The following GTF2IRD1 variants were observed in gnomAD, a reference collection of about 807,000 sequenced individuals.
GTF2IRD1 encodes the protein GTF2I repeat domain containing 1.
Under a neutral mutation model 113.2 loss-of-function variants are expected in GTF2IRD1, and 26 were observed. That is an observed-to-expected ratio of 0.23 (90% confidence interval 0.17 to 0.32). The LOEUF is 0.32. GTF2IRD1 is among the 10% of genes least tolerant of loss of function. The pLI is 1.00. For synonymous variants in GTF2IRD1, 484 were observed against 529.1 expected (o/e 0.91, Z 1.17); for missense variants, 864 against 1,280.8 (o/e 0.67, Z 4.97).
chr7:74,582,885 C>A (rs1554366538), intron 22 of GTF2IRD1, among the ~76,000 whole-genome samples: 1 of 151,534 alleles, frequency 6.6e-6, no homozygotes, highest in East Asian at 1.9e-4. Context: ...CCCATCTCTA[C>A]AAAAGATGGA....
At chr7:74,531,641 AG>A (rs1797968747) in intron 9 of GTF2IRD1, among the ~76,000 whole-genome samples, 1 of 151,860 alleles carries the variant, frequency 6.6e-6, no homozygotes, top group South Asian at 2.1e-4. Flanking sequence ...CCAGCACTTT[AG>A]GAGGCCAAGG....
At chr7:74,479,077 T>A (rs1370300257) in intron 1 of GTF2IRD1, among the ~76,000 whole-genome samples, 3 of 152,154 alleles carry the variant, frequency 2.0e-5, no homozygotes, top group African/African-American at 7.2e-5. Context: ...CCCCTGCTGC[T>A]GTCTGCTTCA....
chr7:74,536,272 C>T lies in GTF2IRD1; in HGVS notation c.1406C>T (p.Ala469Val), dbSNP rs587691164. 9.8e-5 allele frequency: 155 copies of T among 1,587,760 alleles called. 2 individuals are homozygous for T. In the African/African-American group the frequency reaches 1.3e-3, roughly 13 times the overall value. Residue 469 changes from alanine (A) to valine (V), a missense_variant, in exon 11 of 27, where the codon GCT becomes GTT. By Grantham distance (64) the Ala-to-Val change is moderately conservative. Coordinates refer to ENST00000424337, the MANE Select transcript of GTF2IRD1 (RefSeq NM_005685.4). ...RATVLDLAGN[A>V]RSDKGSMSED... ...ACCGTCCTTGACCTTGCTGGGAATGCTCGGTGAGGCCCCGCCCCTGGCCCC... is the reference window on the plus strand; with the variant it reads ...ACCGTCCTTGACCTTGCTGGGAATGTTCGGTGAGGCCCCGCCCCTGGCCCC...
chr7:74,589,206 A>C (rs782385359), intron 22 of GTF2IRD1, among the ~76,000 whole-genome samples: 1 of 152,112 alleles, frequency 6.6e-6, no homozygotes, highest in Non-Finnish European at 1.5e-5. Context: ...AAAAACTTTA[A>C]AAAATTAGGC....
Position 74,512,537 on chromosome 7 carries a change from G to T in GTF2IRD1, c.124-293G>T, listed in dbSNP as rs1398580412. 2.0e-5 allele frequency among the ~76,000 whole-genome samples: 3 copies of T among 152,156 alleles called. No individual in the cohort carries two copies. The highest frequency in any genetic ancestry group is 7.2e-5 in the African/African-American group (3 of 41,438). ...AGAGGGGCCAAGAAAACCCAGCACG[G>T]CATTGTCCCTGGGGCTGGGGCTAAG... On this transcript the variant is annotated intron_variant, in intron 2 of 26. Coordinates refer to ENST00000424337, the MANE Select transcript of GTF2IRD1 (RefSeq NM_005685.4). This position sits in a 1 kb window ranked among gnomAD's most constrained non-coding sequence, Gnocchi z 4.4.
intron 22 of GTF2IRD1, among the ~76,000 whole-genome samples, chr7:74,562,945 G>A (rs28719153): frequency 0.045 from 6,882 of 152,194 alleles, 254 homozygotes; most frequent in East Asian, 0.075. Context: ...TCAGAAGTGC[G>A]AGACATGTAT....
intron 1 of GTF2IRD1, among the ~76,000 whole-genome samples, chr7:74,488,106 C>A (rs543441226): frequency 2.6e-4 from 39 of 152,222 alleles, no homozygotes; most frequent in African/African-American, 8.7e-4. Flanking sequence ...CACAGTGAGA[C>A]CCTATCTCTA....
chr7:74,564,571 C>G (rs1316519750), intron 22 of GTF2IRD1, among the ~76,000 whole-genome samples: 1 of 152,030 alleles, frequency 6.6e-6, no homozygotes, highest in African/African-American at 2.4e-5. Flanking sequence ...GGTAACATAG[C>G]AAGATCCCAT....
At chr7:74,476,560 C>T (rs1316458365) in intron 1 of GTF2IRD1, among the ~76,000 whole-genome samples, 5 of 151,978 alleles carry the variant, frequency 3.3e-5, no homozygotes, top group African/African-American at 1.2e-4. Flanking sequence ...GATGGGGTTT[C>T]ACTGTGTTGG....
chr7:74,472,239 G>A (rs1366151455), intron 1 of GTF2IRD1, among the ~76,000 whole-genome samples: 2 of 127,496 alleles, frequency 1.6e-5, no homozygotes, highest in Admixed American at 1.8e-4. Context: ...GCCGGGGCCA[G>A]GTGCTGCAGT....
At chr7:74,531,380 A>G (rs923607928) in intron 9 of GTF2IRD1, among the ~76,000 whole-genome samples, 1 of 152,176 alleles carries the variant, frequency 6.6e-6, no homozygotes, top group African/African-American at 2.4e-5. Flanking sequence ...AAATAAATAA[A>G]TTAAACATAG....
At chr7:74,507,543 G>T (rs1554341415) in intron 1 of GTF2IRD1, 2 of 152,664 alleles carry the variant, frequency 1.3e-5, no homozygotes, top group Non-Finnish European at 2.9e-5. Flanking sequence ...ACCAGGAAGG[G>T]TGCTTCAGGC....
chr7:74,503,722 C>A (rs1380014168), intron 1 of GTF2IRD1, among the ~76,000 whole-genome samples: 3 of 152,204 alleles, frequency 2.0e-5, no homozygotes, highest in Non-Finnish European at 2.9e-5. Context: ...GTACTCCAAT[C>A]TGGGGGACAG....
At chr7:74,505,727 G>T (rs782323364) in intron 1 of GTF2IRD1, among the ~76,000 whole-genome samples, 16 of 152,156 alleles carry the variant, frequency 1.1e-4, no homozygotes, top group Non-Finnish European at 1.5e-4. Context: ...GGATGGCTTG[G>T]GGGAGGGGGA....
chr7:74,544,859 C>G, intron 15 of GTF2IRD1, 57 bp downstream of exon 15: 11 of 1,417,270 alleles, frequency 7.8e-6, no homozygotes, highest in Non-Finnish European at 1.1e-5. Context: ...TCTCTCTTCC[C>G]CTGCCGCCCA....
chr7:74,461,585 A>T (rs909120817), intron 1 of GTF2IRD1, among the ~76,000 whole-genome samples: 9 of 151,772 alleles, frequency 5.9e-5, no homozygotes, highest in Non-Finnish European at 1.2e-4. Context: ...ATTTTATTTT[A>T]TTTATTTATT....
intron 22 of GTF2IRD1, among the ~76,000 whole-genome samples, chr7:74,580,866 CCTAA>C (rs1308069273): frequency 2.0e-5 from 3 of 152,156 alleles, no homozygotes; most frequent in African/African-American, 7.2e-5. Context: ...CACACTGAGT[CCTAA>C]CTATGACATT....
At chr7:74,579,064 G>C (rs1554365347) in intron 22 of GTF2IRD1, among the ~76,000 whole-genome samples, 1 of 152,016 alleles carries the variant, frequency 6.6e-6, no homozygotes, top group Non-Finnish European at 1.5e-5. Flanking sequence ...ACTCGCCCCT[G>C]TAATCCCAAC....
At chr7:74,521,629 G>T (rs587768937) in intron 7 of GTF2IRD1, among the ~76,000 whole-genome samples, 90 of 152,226 alleles carry the variant, frequency 5.9e-4, no homozygotes, top group African/African-American at 2.0e-3. Flanking sequence ...GGATGTGGTG[G>T]TGCCTACCCG....
Sources: gnomAD v4.1 joint callset for allele counts (sites outside exome capture counted in the v4.1 genomes callset) on GRCh38, gnomAD v4.1.1 for gene constraint, Gnocchi (gnomAD v3.1) non-coding constraint, MANE v1.5 for transcripts, NCBI Gene and HGNC (gene_info 2026-07-23, HGNC 2026-07-21) for gene names.